Variants in NME7 observed in about 807,000 individuals in gnomAD.
NME7 encodes nucleoside diphosphate kinase 7.
Under a neutral mutation model 49.1 loss-of-function variants are expected in NME7, and 41 were observed. The ratio of observed to expected loss-of-function variants is 0.83; its 90% CI spans 0.65 to 1.08. NME7 has a LOEUF of 1.08. Ranked by LOEUF, NME7 falls within the 50% of genes least tolerant of loss-of-function variation. The pLI, the probability that NME7 is intolerant of heterozygous loss-of-function variation, is 0.00. For synonymous variants in NME7, 139 were observed against 150.6 expected (o/e 0.92, Z 0.56); for missense variants, 423 against 463.4 (o/e 0.91, Z 0.80).
intron 7 of NME7, among the ~76,000 whole-genome samples, chr1:169,257,289 A>G (rs141302768): frequency 0.088 from 11,832 of 134,218 alleles, 3,188 homozygotes; most frequent in East Asian, 0.75. Context: ...TAAGCCTGTC[A>G]GAAAAGCGCA....
intron 4 of NME7, 108 bp downstream of exon 4, chr1:169,309,862 G>T: frequency 1.5e-6 from 1 of 665,408 alleles, no homozygotes. Flanking sequence ...TCTATTCTTT[G>T]TCATTCAATA....
At chr1:169,360,868 C>T (rs1653628335) in intron 1 of NME7, among the ~76,000 whole-genome samples, 1 of 152,050 alleles carries the variant, frequency 6.6e-6, no homozygotes, top group South Asian at 2.1e-4. Context: ...GTTTTTCTCT[C>T]AAACTAAGGA....
chr1:169,237,836 C>T, intron 7 of NME7, 149 bp from the exon 8 acceptor site: 1 of 579,544 alleles, frequency 1.7e-6, no homozygotes. Flanking sequence ...AAATTAAATC[C>T]CTAATACTGA....
chr1:169,238,544 G>A (rs997792294), intron 7 of NME7, among the ~76,000 whole-genome samples: 6 of 149,908 alleles, frequency 4.0e-5, no homozygotes, highest in South Asian at 2.1e-4. Context: ...GGATCTTACC[G>A]AGTGACCCTA....
rs376174713 is a variant in NME7 at position 169,319,708 on chromosome 1, C to T, written c.278+3409G>A. Among the ~76,000 whole-genome samples the T allele has an allele frequency of 4.6e-5, 7 of 152,216 alleles. No individual in the cohort carries two copies. In the South Asian group the frequency reaches 1.2e-3, roughly 27 times the overall value. On this transcript the variant is annotated intron_variant, in intron 3 of 11. Transcript: ENST00000367811. ...ACTTCATAATTTTTCTTCTGAAAAA[C>T]AGGGGGGTCTTCCTTTCACTGAAAG...
In NME7 at chr1:169,132,955, A is replaced by AGAG. The variant is rs1571231860; in HGVS notation, c.1099-141_1099-139dup. 3.2e-5 allele frequency: 18 copies of AGAG among 559,116 alleles called. No individual in the cohort carries two copies. In the East Asian group the frequency reaches 6.8e-4, roughly 21 times the overall value. The allele number at this position is 559,116 out of a possible 1,614,324, so 34.6% of individuals were successfully genotyped here. ...GACACTAAAAGTTAATCAATCAATC[A>AGAG]GAGGCAGAGAATCGATGAAGCTCCA... is the stretch of plus-strand genomic sequence containing the variant. On this transcript the variant is annotated intron_variant, in intron 11 of 11. Coordinates refer to ENST00000367811, the MANE Select transcript of NME7 (RefSeq NM_013330.5).
At chr1:169,230,007 T>C (rs559888734) in intron 10 of NME7, among the ~76,000 whole-genome samples, 1 of 151,954 alleles carries the variant, frequency 6.6e-6, no homozygotes, top group Non-Finnish European at 1.5e-5. Flanking sequence ...TGAATAAAAT[T>C]AAATTGAATT....
At chr1:169,233,965 C>T (rs1297610853) in intron 9 of NME7, among the ~76,000 whole-genome samples, 1 of 151,890 alleles carries the variant, frequency 6.6e-6, no homozygotes, top group Non-Finnish European at 1.5e-5. Context: ...CTCCCTCCTT[C>T]CTTTTTTCTT....
At chr1:169,230,958 C>T (rs1295515745) in intron 9 of NME7, 139 bp from the exon 10 acceptor site, 2 of 485,980 alleles carry the variant, frequency 4.1e-6, no homozygotes, top group Non-Finnish European at 7.2e-6. Context: ...TCAAGCAGTT[C>T]CCAAATTCTG....
chr1:169,307,670 G>A (rs997816363), intron 4 of NME7, among the ~76,000 whole-genome samples: 2 of 152,140 alleles, frequency 1.3e-5, no homozygotes, highest in African/African-American at 2.4e-5. Flanking sequence ...TAGAAGTATA[G>A]AGACACTAAA....
chr1:169,256,672 G>T (rs1558010477), intron 7 of NME7, among the ~76,000 whole-genome samples: 1 of 121,098 alleles, frequency 8.3e-6, no homozygotes, highest in African/African-American at 2.8e-5. Flanking sequence ...TTTCTGTTCT[G>T]TTTTTTCCCC....
chr1:169,355,534 C>G (rs74121624), intron 1 of NME7, among the ~76,000 whole-genome samples: 1 of 150,566 alleles, frequency 6.6e-6, no homozygotes, highest in African/African-American at 2.4e-5. Flanking sequence ...CTCTCCCTCA[C>G]CTTCTCTGCT....
In NME7 at chr1:169,342,535, CAT is replaced by C. The variant is rs1406777794; in HGVS notation, c.4-18037_4-18036del. Among the ~76,000 whole-genome samples, 2 of 114,410 alleles carry C rather than the reference CAT, an allele frequency of 1.7e-5. 1 individual carries two copies. Among genetic ancestry groups the C allele is most frequent in the Non-Finnish European group, 3.5e-5 (2 of 56,504 alleles). The allele number at this position is 114,410 out of a possible 152,430, so 75.1% of individuals were successfully genotyped here. ...TATATATAGTATATATATACAAGTA[CAT>C]ATATATAGTATATATATATATACAA... On this transcript the variant is annotated intron_variant, in intron 1 of 11. Coordinates refer to ENST00000367811, the MANE Select transcript of NME7 (RefSeq NM_013330.5).
At chr1:169,150,959 C>G (rs1314510380) in intron 11 of NME7, among the ~76,000 whole-genome samples, 1 of 152,122 alleles carries the variant, frequency 6.6e-6, no homozygotes, top group African/African-American at 2.4e-5. Flanking sequence ...ATATCACATA[C>G]TTTTCATGTG....
chr1:169,341,842 C>A (rs539396582), intron 1 of NME7, among the ~76,000 whole-genome samples: 12 of 152,158 alleles, frequency 7.9e-5, no homozygotes, highest in Admixed American at 4.6e-4. Flanking sequence ...TTTGGTTTGG[C>A]CAATTTCTCC....
intron 7 of NME7, among the ~76,000 whole-genome samples, chr1:169,260,809 G>A (rs1649135731): frequency 7.5e-6 from 1 of 134,066 alleles, no homozygotes; most frequent in African/African-American, 2.5e-5. Flanking sequence ...TAAATCATGT[G>A]TAGCTATGCT....
rs188108764 is a variant in NME7, at chr1:169,345,123, G to A, written c.4-20623C>T. Among the ~76,000 whole-genome samples, 349 of 152,212 alleles carry A rather than the reference G, an allele frequency of 2.3e-3. 1 individual carries two copies. The highest frequency in any genetic ancestry group is 8.1e-3 in the African/African-American group (335 of 41,530). ...TTGTCTAATTTAATGGGATAAAGTTGTTCATAGTATTCCCTTATAATCCTT... is the reference window on the plus strand; with the variant it reads ...TTGTCTAATTTAATGGGATAAAGTTATTCATAGTATTCCCTTATAATCCTT... On this transcript the variant is annotated intron_variant, in intron 1 of 11. Transcript: ENST00000367811.
chr1:169,233,245 T>A, intron 9 of NME7, among the ~76,000 whole-genome samples: 1 of 152,156 alleles, frequency 6.6e-6, no homozygotes, highest in East Asian at 1.9e-4. Flanking sequence ...TAGCTCTCTA[T>A]ATAAAGCTGT....
At chr1:169,204,029 C>T (rs1208371) in intron 10 of NME7, among the ~76,000 whole-genome samples, 95,985 of 151,538 alleles carry the variant, frequency 0.63, 30,694 homozygotes, top group East Asian at 0.92. Flanking sequence ...GTTAATTTTT[C>T]AGTTTTTGAA....
Sources: allele counts gnomAD v4.1 joint callset (sites outside exome capture counted in the v4.1 genomes callset), GRCh38; gene constraint gnomAD v4.1.1; transcripts MANE v1.5; gene names NCBI Gene and HGNC (gene_info 2026-07-23, HGNC 2026-07-21).